The following ZNF350 variants were observed in gnomAD, a reference collection of about 807,000 sequenced individuals.
ZNF350 encodes KRAB zinc finger protein ZFQR.
In ZNF350, 5 loss-of-function variants were observed where a neutral mutation model predicts 13.1. The observed-to-expected ratio is 0.38, with a 90% CI of 0.20 to 0.80. ZNF350 has a LOEUF of 0.80. ZNF350 is among the 30% of genes least tolerant of loss of function. ZNF350 has a pLI of 0.43. For synonymous variants in ZNF350, 199 were observed against 224.2 expected (o/e 0.89, Z 1.00); for missense variants, 534 against 644.2 (o/e 0.83, Z 1.85).
chr19:51,974,502 TTA>T lies in ZNF350; in HGVS notation c.-144_-143del. The T allele has an allele frequency of 9.9e-7, 1 of 1,011,604 alleles. No homozygotes were observed. The highest frequency in any genetic ancestry group is 1.5e-6 in the Non-Finnish European group (1 of 671,988). 62.7% of individuals were successfully genotyped at this position (1,011,604 alleles called of 1,614,324 possible). On this transcript the variant is annotated 5_prime_UTR_variant, in exon 2 of 5. Transcript: ENST00000243644. The stretch of plus-strand genomic sequence containing the variant: ...CAAATCCACTTCCTCCCTCTTCAGG[TTA>T]TGTTTTTTGCTCCTGAGGAGTCAGA...
At chr19:51,969,249 T>C in intron 2 of ZNF350, 118 bp from the exon 3 acceptor site, 1 of 1,244,400 alleles carries the variant, frequency 8.0e-7, no homozygotes, top group Admixed American at 2.7e-5. Context: ...ATAGTTTTTT[T>C]TTTAATACAA....
At chr19:51,984,860 CT>C (rs59506526) in intron 1 of ZNF350, among the ~76,000 whole-genome samples, 48,137 of 151,892 alleles carry the variant, frequency 0.32, 7,905 homozygotes, top group South Asian at 0.54. Flanking sequence ...AGAAAATATA[CT>C]CAGATGCAAC....
rs552520975 is a variant in ZNF350, at chr19:51,985,545, C to A, written c.-172+1225G>T. On this transcript the variant is annotated intron_variant, in intron 1 of 4. Coordinates refer to ENST00000243644, the MANE Select transcript of ZNF350 (RefSeq NM_021632.4). ...GCCTAAGCTCATTTCCATGTCAAAC[C>A]TATCACTAGCAATGGCAATTGGAAC... 3.9e-5 allele frequency among the ~76,000 whole-genome samples: 6 copies of A among 152,300 alleles called. No homozygotes were observed. In the East Asian group the frequency reaches 1.2e-3, roughly 29 times the overall value.
At chr19:51,974,252 T>C in intron 2 of ZNF350, 94 bp downstream of exon 2, 1 of 1,419,534 alleles carries the variant, frequency 7.0e-7, no homozygotes, top group Non-Finnish European at 9.7e-7. Flanking sequence ...TTTTGAAATT[T>C]ATACTTTTTA....
chr19:51,973,673 A>C (rs1369592228), intron 2 of ZNF350: 1 of 152,164 alleles, frequency 6.6e-6, no homozygotes, highest in Non-Finnish European at 1.5e-5. Context: ...ATATTCAAAC[A>C]CCAGTTCAGC....
rs2085832186 is a variant in ZNF350, at chr19:51,974,532, C to T, written c.-171-1G>A. ...TTTTTTGCTCCTGAGGAGTCAGAAC[C>T]TGTGGGTTGAAGAGCAAATTCAATG... On this transcript the variant is annotated splice_acceptor_variant, in intron 1 of 4. Transcript: ENST00000243644. LOFTEE classifies it low-confidence loss of function (5UTR_SPLICE). 1.4e-6 allele frequency: 1 copy of T among 721,974 alleles called. No individual in the cohort carries two copies. Among genetic ancestry groups the T allele is most frequent in the African/African-American group, 1.8e-5 (1 of 57,084 alleles). 44.7% of individuals were successfully genotyped at this position (721,974 alleles called of 1,614,324 possible).
At chr19:51,979,179 C>T (rs147295676) in intron 1 of ZNF350, among the ~76,000 whole-genome samples, 2,837 of 152,280 alleles carry the variant, frequency 0.019, 44 homozygotes, top group Admixed American at 0.021. Context: ...GAAAACCACA[C>T]AGGAAGCTGA....
At chr19:51,981,038 C>A (rs1262676972) in intron 1 of ZNF350, 2 of 152,218 alleles carry the variant, frequency 1.3e-5, no homozygotes, top group Non-Finnish European at 2.9e-5. Flanking sequence ...AGCCAAAGGC[C>A]TGTGGGACGT....
chr19:51,969,246 T>C, intron 2 of ZNF350, 115 bp from the exon 3 acceptor site: 1 of 1,265,654 alleles, frequency 7.9e-7, no homozygotes, highest in Non-Finnish European at 1.1e-6. Context: ...CAAATAGTTT[T>C]TTTTTTAATA....
chr19:51,970,817 A>C (rs2085716690), intron 2 of ZNF350, among the ~76,000 whole-genome samples: 1 of 152,216 alleles, frequency 6.6e-6, no homozygotes, highest in South Asian at 2.1e-4. Flanking sequence ...ATTGAAACTA[A>C]ATTACACCAG....
intron 1 of ZNF350, among the ~76,000 whole-genome samples, chr19:51,986,169 G>A (rs997976324): frequency 6.6e-5 from 10 of 152,118 alleles, no homozygotes; most frequent in Non-Finnish European, 8.8e-5. Flanking sequence ...TTGACCCCCC[G>A]ATCTGTAAAT....
chr19:51,975,438 A>AAAAC lies in ZNF350; in HGVS notation c.-171-908_-171-907insGTTT, dbSNP rs2085862507. Among the ~76,000 whole-genome samples, 3 of 150,012 alleles carry AAAAC rather than the reference A, an allele frequency of 2.0e-5. No homozygotes were observed. In the South Asian group the frequency reaches 6.2e-4, roughly 31 times the overall value. On this transcript the variant is annotated intron_variant, in intron 1 of 4. Coordinates refer to ENST00000243644, the MANE Select transcript of ZNF350 (RefSeq NM_021632.4). Reference sequence around the variant, plus strand: ...GAGCGAAACCTCGTCTTAAAAAAAAAAAAAAAAAAAAAAACTAGTAATTGT... The same window carrying AAAAC: ...GAGCGAAACCTCGTCTTAAAAAAAAAAAACAAAAAAAAAAAAAACTAGTAATTGT...
rs975049311 is a variant in ZNF350, at chr19:51,965,192, T to C, written c.1261A>G (p.Lys421Glu). The change falls in exon 5 of 5, where the codon AAG becomes GAG. Residue 421 changes from lysine to glutamate, a missense_variant. Lys to Glu is a moderately conservative substitution (Grantham distance 56, BLOSUM62 1). Transcript: ENST00000243644. ...FAYMSCLVKH[K>E]RIHTREKQEA... ...TGTTTCTCCCTTGTGTGTATTCTCT[T>C]ATGCTTAACCAGACACGACATATAC... The C allele has an allele frequency of 3.1e-6, 5 of 1,614,210 alleles. No homozygotes were observed. Among genetic ancestry groups the C allele is most frequent in the Non-Finnish European group, 4.2e-6 (5 of 1,180,044 alleles).
intron 4 of ZNF350, among the ~76,000 whole-genome samples, chr19:51,966,704 G>A (rs2085589286): frequency 6.6e-6 from 1 of 150,984 alleles, no homozygotes; most frequent in Admixed American, 6.6e-5. Flanking sequence ...CTGGAGTGCA[G>A]TGACATGATC....
At chr19:51,972,090 A>C (rs906517908) in intron 2 of ZNF350, among the ~76,000 whole-genome samples, 25 of 152,182 alleles carry the variant, frequency 1.6e-4, no homozygotes, top group African/African-American at 6.0e-4. Context: ...GTAGAGGGTG[A>C]ATGGACTTAA....
intron 1 of ZNF350, among the ~76,000 whole-genome samples, chr19:51,977,988 C>T (rs116101473): frequency 0.01 from 1,590 of 152,260 alleles, 27 homozygotes; most frequent in African/African-American, 0.033. Flanking sequence ...GATCTCAGGA[C>T]AGAAAGGATA....
At position 51,966,060 on chromosome 19, in the gene ZNF350, T is replaced by C; in HGVS notation, c.393A>G (p.Leu131=). 1.2e-6 allele frequency: 2 copies of C among 1,614,066 alleles called. No individual in the cohort carries two copies. Among genetic ancestry groups the C allele is most frequent in the Non-Finnish European group, 1.7e-6 (2 of 1,180,006 alleles). ...LLGQNHDIFD[L]RGKSLKSNLT... ...AATTGGATTTCAAACTTTTTCCACGTAAGTCAAATATATCATGATTTTGCC... is the reference window on the plus strand; with the variant it reads ...AATTGGATTTCAAACTTTTTCCACGCAAGTCAAATATATCATGATTTTGCC... Residue 131 remains leucine (L), a synonymous_variant, in exon 5 of 5, where the codon TTA becomes TTG. Transcript: ENST00000243644.
chr19:51,981,843 T>C (rs928549693), intron 1 of ZNF350: 2 of 151,710 alleles, frequency 1.3e-5, no homozygotes, highest in African/African-American at 4.8e-5. Context: ...AAACAAGAAA[T>C]AGAAAATTCA....
In ZNF350 at chr19:51,965,231, C is replaced by G. The variant is rs2085531948; in HGVS notation, c.1222G>C (p.Gly408Arg). The G allele has an allele frequency of 1.2e-6, 2 of 1,614,210 alleles. No individual in the cohort carries two copies. The highest frequency in any genetic ancestry group is 1.7e-6 in the Non-Finnish European group (2 of 1,180,042). Reference protein sequence around the residue: ...GERPYGCNECGKAFAYMSCLV... With the variant: ...GERPYGCNECRKAFAYMSCLV... ...CACGACATATACGCAAACGCTTTCC[C>G]ACACTCGTTACAGCCATAGGGTCTC... The change falls in exon 5 of 5, where the codon GGG becomes CGG. Residue 408 changes from glycine (G) to arginine (R), a missense_variant. Gly to Arg is a moderately radical substitution (Grantham distance 125). Transcript: ENST00000243644.
Sources: allele counts gnomAD v4.1 joint callset (sites outside exome capture counted in the v4.1 genomes callset), GRCh38; gene constraint gnomAD v4.1.1; transcripts MANE v1.5; gene names NCBI Gene and HGNC (gene_info 2026-07-23, HGNC 2026-07-21).